MGRN1: variants seen among roughly 807,000 people sequenced by gnomAD.
The protein encoded by MGRN1 is mahogunin ring finger 1.
Under a neutral mutation model 69.2 loss-of-function variants are expected in MGRN1, and 29 were observed. The ratio of observed to expected loss-of-function variants is 0.42; its 90% CI spans 0.31 to 0.57. MGRN1 has a LOEUF of 0.57. MGRN1 is among the 20% of genes least tolerant of loss of function. MGRN1 has a pLI of 0.15. For missense variants in MGRN1, 998 were observed against 796.2 expected, an observed-to-expected ratio of 1.25 and a Z score of -3.05; for synonymous variants, 470 against 344.2, an observed-to-expected ratio of 1.37 and a Z score of -4.04.
chr16:4,685,228 C>A (rs970784591), intron 16 of MGRN1, among the ~76,000 whole-genome samples: 3 of 152,224 alleles, frequency 2.0e-5, no homozygotes, highest in African/African-American at 7.2e-5. Context: ...GGGAAGAGGC[C>A]AGAAGGACCT....
chr16:4,642,570 C>G (rs940690358), intron 1 of MGRN1, among the ~76,000 whole-genome samples: 1 of 151,742 alleles, frequency 6.6e-6, no homozygotes, highest in East Asian at 1.9e-4. Flanking sequence ...GTGATCCGCC[C>G]GCCTCGGCCT....
intron 2 of MGRN1, among the ~76,000 whole-genome samples, chr16:4,651,654 G>A (rs1447851725): frequency 1.3e-5 from 2 of 152,080 alleles, no homozygotes; most frequent in East Asian, 1.9e-4. Context: ...GAGGGTGCTC[G>A]GGGCAGTGAT....
intron 13 of MGRN1, among the ~76,000 whole-genome samples, chr16:4,682,474 C>G (rs557334273): frequency 6.6e-6 from 1 of 152,170 alleles, no homozygotes; most frequent in Non-Finnish European, 1.5e-5. Context: ...TCCATGCCCA[C>G]GAGGAGGCAG....
chr16:4,628,441 T>G (rs1012884741), intron 1 of MGRN1, among the ~76,000 whole-genome samples: 13 of 150,966 alleles, frequency 8.6e-5, no homozygotes, highest in African/African-American at 2.9e-4. Context: ...AAAAAAAGAA[T>G]TGTGCAGTCA....
At chr16:4,663,176 A>C (rs1047876643) in intron 5 of MGRN1, among the ~76,000 whole-genome samples, 1 of 151,898 alleles carries the variant, frequency 6.6e-6, no homozygotes, top group East Asian at 1.9e-4. Flanking sequence ...TGATTCTCCT[A>C]CCTCAGCCTC....
At chr16:4,672,251 T>A in intron 9 of MGRN1, 1 of 423,372 alleles carries the variant, frequency 2.4e-6, no homozygotes, top group Non-Finnish European at 4.7e-6. Flanking sequence ...TTCACTATGT[T>A]GGCCAGGCTG....
intron 5 of MGRN1, among the ~76,000 whole-genome samples, chr16:4,663,853 G>A (rs2078739284): frequency 6.6e-6 from 1 of 152,228 alleles, no homozygotes; most frequent in South Asian, 2.1e-4. Flanking sequence ...GGAAGAGGGT[G>A]GCCTTCAGCC....
intron 1 of MGRN1, among the ~76,000 whole-genome samples, chr16:4,642,681 A>G (rs1373654116): frequency 6.6e-6 from 1 of 151,792 alleles, no homozygotes; most frequent in Non-Finnish European, 1.5e-5. Context: ...GCTGGTCTTC[A>G]ACTCCTGACG....
At chr16:4,670,807 G>A (rs1420895289) in intron 8 of MGRN1, among the ~76,000 whole-genome samples, 1 of 152,276 alleles carries the variant, frequency 6.6e-6, no homozygotes, top group African/African-American at 2.4e-5. Flanking sequence ...TGTGTTGAGA[G>A]AGCTGACCAG....
At chr16:4,658,751 T>C (rs545845727) in intron 5 of MGRN1, 2 of 152,162 alleles carry the variant, frequency 1.3e-5, no homozygotes, top group Non-Finnish European at 2.9e-5. Context: ...TCGCCTGTAA[T>C]CCCAGCACTT....
chr16:4,689,269 C>G lies in MGRN1; in HGVS notation c.*361C>G, dbSNP rs950198062. On this transcript the variant is annotated 3_prime_UTR_variant, in exon 17 of 17. Coordinates refer to ENST00000262370, the MANE Select transcript of MGRN1 (RefSeq NM_015246.4). ...CAGTGCGGTCCCTGCCCGGAGAACT[C>G]AGGAGGCCTGCAGAAGAGAACTGAT... The G allele has an allele frequency of 4.6e-6, 1 of 219,084 alleles. No individual in the cohort carries two copies. Among genetic ancestry groups the G allele is most frequent in the Non-Finnish European group, 9.0e-6 (1 of 111,426 alleles). The allele number at this position is 219,084 out of a possible 1,614,324, so 13.6% of individuals were successfully genotyped here.
chr16:4,684,571 A>ACAGCAAGG (rs2079264903), intron 16 of MGRN1, among the ~76,000 whole-genome samples: 1 of 152,232 alleles, frequency 6.6e-6, no homozygotes, highest in Admixed American at 6.5e-5. Flanking sequence ...CCAGCGGGGA[A>ACAGCAAGG]CAGCAAGGCA....
At chr16:4,668,196 G>A in intron 7 of MGRN1, 69 bp from the exon 8 acceptor site, 1 of 1,424,506 alleles carries the variant, frequency 7.0e-7, no homozygotes, top group Non-Finnish European at 9.6e-7. Context: ...GCCAACCCAG[G>A]CGGCCACGCA....
At chr16:4,664,417 G>T in intron 5 of MGRN1, 1 of 456,116 alleles carries the variant, frequency 2.2e-6, no homozygotes. Flanking sequence ...TTGGGGTGAT[G>T]AAAAGTTCTG....
intron 1 of MGRN1, among the ~76,000 whole-genome samples, chr16:4,642,744 G>T (rs111589155): frequency 6.6e-6 from 1 of 151,942 alleles, no homozygotes; most frequent in African/African-American, 2.4e-5. Context: ...TGGGATTACA[G>T]GGGTGAGCAC....
chr16:4,625,124 T>C lies in MGRN1; in HGVS notation c.88+76T>C, dbSNP rs1185068458. On this transcript the variant is annotated intron_variant, in intron 1 of 16. Coordinates refer to ENST00000262370, the MANE Select transcript of MGRN1 (RefSeq NM_015246.4). Reference sequence around the variant, plus strand: ...ACCCGGCGGGCGCGGGGGCGGGGACTCGGGGCGGGGCGCCCTGCTCGGCCC... The same window carrying C: ...ACCCGGCGGGCGCGGGGGCGGGGACCCGGGGCGGGGCGCCCTGCTCGGCCC... 7 of 1,351,866 alleles carry C rather than the reference T, an allele frequency of 5.2e-6. No individual in the cohort carries two copies. In the African/African-American group the frequency reaches 7.7e-5, roughly 15 times the overall value. The allele number at this position is 1,351,866 out of a possible 1,614,324, so 83.7% of individuals were successfully genotyped here. A position where few individuals can be genotyped will look rare whatever the true frequency, so the allele number is the denominator to read the frequency against.
Position 4,627,603 on chromosome 16 carries a change from C to T in MGRN1, c.88+2555C>T, listed in dbSNP as rs12921195. Among the ~76,000 whole-genome samples the T allele has an allele frequency of 1.6e-3, 244 of 151,538 alleles. 3 individuals carry two copies. Among genetic ancestry groups the T allele is most frequent in the Admixed American group, 0.011 (161 of 15,260 alleles). On this transcript the variant is annotated intron_variant, in intron 1 of 16. Coordinates refer to ENST00000262370, the MANE Select transcript of MGRN1 (RefSeq NM_015246.4). ...GAGATGGAGACCATCCTGGCTAACA[C>T]GGGGAAACCCCGTCTCTACTAAAAA...
intron 10 of MGRN1, among the ~76,000 whole-genome samples, chr16:4,674,770 A>T (rs1183668972): frequency 2.7e-5 from 4 of 147,056 alleles, no homozygotes; most frequent in Admixed American, 1.4e-4. Flanking sequence ...CCTCCCGAGT[A>T]GCTGGGATTA....
chr16:4,686,439 G>A (rs1195085650), intron 16 of MGRN1: 2 of 1,429,206 alleles, frequency 1.4e-6, no homozygotes, highest in Non-Finnish European at 1.8e-6. Flanking sequence ...AGGGGCCCTG[G>A]ATTCCGAATC....
Sources: allele counts gnomAD v4.1 joint callset (sites outside exome capture counted in the v4.1 genomes callset), GRCh38; gene constraint gnomAD v4.1.1; transcripts MANE v1.5; gene names NCBI Gene and HGNC (gene_info 2026-07-23, HGNC 2026-07-21).